ARHGAP28: variants seen among roughly 807,000 people sequenced by gnomAD.
The protein encoded by ARHGAP28 is rho GTPase-activating protein 28.
Under a neutral mutation model 90.7 loss-of-function variants are expected in ARHGAP28, and 56 were observed. That is an observed-to-expected ratio of 0.62 (90% CI 0.50 to 0.77). The LOEUF (loss-of-function observed/expected upper bound fraction) is 0.77. Among genes scored for constraint, ARHGAP28 ranks in the 30% least tolerant of loss-of-function variants. ARHGAP28 has a pLI of 0.00. For missense variants in ARHGAP28, 869 were observed against 900.9 expected (o/e 0.96, Z 0.45); for synonymous variants, 308 against 323.3 (o/e 0.95, Z 0.51).
chr18:6,808,766 T>TA (rs760449389), intron 1 of ARHGAP28, among the ~76,000 whole-genome samples: 1 of 152,202 alleles, frequency 6.6e-6, no homozygotes, highest in Non-Finnish European at 1.5e-5. Context: ...GATATATATA[T>TA]TTTTAGTATA....
intron 16 of ARHGAP28, among the ~76,000 whole-genome samples, chr18:6,899,709 A>G (rs2057328234): frequency 6.6e-6 from 1 of 152,184 alleles, no homozygotes; most frequent in Admixed American, 6.5e-5. Context: ...CAGCAATGAA[A>G]CACAGCAGCA....
At chr18:6,909,454 A>G (rs2057384562) in intron 17 of ARHGAP28, among the ~76,000 whole-genome samples, 1 of 151,460 alleles carries the variant, frequency 6.6e-6, no homozygotes, top group Admixed American at 6.6e-5. Context: ...CACCACGCCC[A>G]GACAATTTTT....
At chr18:6,911,662 C>T (rs1397724121) in intron 17 of ARHGAP28, among the ~76,000 whole-genome samples, 1 of 151,976 alleles carries the variant, frequency 6.6e-6, no homozygotes, top group Non-Finnish European at 1.5e-5. Context: ...TCTCAAACTC[C>T]TAACCTCAAG....
At chr18:6,894,263 C>A (rs1309239743) in intron 14 of ARHGAP28, among the ~76,000 whole-genome samples, 5 of 152,150 alleles carry the variant, frequency 3.3e-5, no homozygotes, top group Non-Finnish European at 7.3e-5. Flanking sequence ...GAATAAAAAT[C>A]AGCCACTTCT....
chr18:6,897,149 G>A (rs1311810076), intron 16 of ARHGAP28: 1 of 152,368 alleles, frequency 6.6e-6, no homozygotes, highest in Non-Finnish European at 1.5e-5. Flanking sequence ...CCTGACCTCA[G>A]GTGATCCGCC....
In ARHGAP28 at chr18:6,874,568, T is replaced by C. The variant is rs1042817825; in HGVS notation, c.1212+793T>C. On this transcript the variant is annotated intron_variant, in intron 9 of 17. Transcript: ENST00000383472. The stretch of plus-strand genomic sequence containing the variant: ...AACACAAATTTTGTGGAATTTTAAA[T>C]TGAGTTTTTAAATGATATTTTAAAA... 11 of 152,332 alleles carry C rather than the reference T, an allele frequency of 7.2e-5. 1 individual carries two copies. The highest frequency in any genetic ancestry group is 2.0e-4 in the Admixed American group (3 of 15,306). 9.4% of individuals were successfully genotyped at this position (152,332 alleles called of 1,614,324 possible).
chr18:6,737,194 T>G (rs557447581), intron 1 of ARHGAP28, among the ~76,000 whole-genome samples: 2 of 152,362 alleles, frequency 1.3e-5, no homozygotes, highest in Admixed American at 1.3e-4. Flanking sequence ...ACACTTTGCT[T>G]TGTTTTTAAG....
In ARHGAP28 at chr18:6,730,236, T is replaced by TATAC. The variant is rs767639864; in HGVS notation, c.122+294_122+295insTACA. Reference sequence around the variant, plus strand: ...TAAGTCATGTGTATATATATATATATACCTCATTTCGGCCAAAGTTGCCTA... The same window carrying TATAC: ...TAAGTCATGTGTATATATATATATATATACACCTCATTTCGGCCAAAGTTGCCTA... On this transcript the variant is annotated intron_variant, in intron 1 of 17. Transcript: ENST00000383472. 1.1e-3 allele frequency: 228 copies of TATAC among 198,698 alleles called. 2 individuals carry two copies. The highest frequency in any genetic ancestry group is 1.7e-3 in the Non-Finnish European group (177 of 101,468). The allele number at this position is 198,698 out of a possible 1,614,324, so 12.3% of individuals were successfully genotyped here.
chr18:6,904,822 T>A (rs537846497), intron 16 of ARHGAP28, among the ~76,000 whole-genome samples: 1 of 152,224 alleles, frequency 6.6e-6, no homozygotes. Flanking sequence ...ATTCAAAAAC[T>A]TAGAATGGAC....
chr18:6,805,766 T>C (rs1383051902), intron 1 of ARHGAP28, among the ~76,000 whole-genome samples: 1 of 152,110 alleles, frequency 6.6e-6, no homozygotes, highest in Non-Finnish European at 1.5e-5. Flanking sequence ...ATTACTGGCA[T>C]GAGCCACCAT....
rs1567966619 is a variant in ARHGAP28 at position 6,841,184 on chromosome 18, TCTCTCTCTCTCTCTCTCTC to T, written c.543+3776_543+3794del. Among the ~76,000 whole-genome samples the T allele has an allele frequency of 1.8e-3, 97 of 54,366 alleles. 2 individuals carry two copies. The highest frequency in any genetic ancestry group is 9.3e-3 in the African/African-American group (90 of 9,666). The allele number at this position is 54,366 out of a possible 152,430, so 35.7% of individuals were successfully genotyped here. On this transcript the variant is annotated intron_variant, in intron 3 of 17. Coordinates refer to ENST00000383472, the MANE Select transcript of ARHGAP28 (RefSeq NM_001366230.1). The stretch of plus-strand genomic sequence containing the variant: ...CTCTCTCTCCTCTCTCTCTCTCCTC[TCTCTCTCTCTCTCTCTCTC>T]CTCTCCTCTCTCTCTCTCTCCCCCC...
chr18:6,796,738 A>G (rs924822853), intron 1 of ARHGAP28, among the ~76,000 whole-genome samples: 32 of 152,238 alleles, frequency 2.1e-4, no homozygotes, highest in Admixed American at 3.3e-4. Context: ...GCAAATTCCC[A>G]TAAAACCTTT....
chr18:6,870,957 T>C (rs567601116), intron 7 of ARHGAP28, among the ~76,000 whole-genome samples: 9 of 151,832 alleles, frequency 5.9e-5, no homozygotes, highest in African/African-American at 2.2e-4. Context: ...CCTGCCAACT[T>C]GCCCGGCTAA....
chr18:6,888,913 C>T (rs561053817), intron 12 of ARHGAP28, among the ~76,000 whole-genome samples: 1 of 152,202 alleles, frequency 6.6e-6, no homozygotes, highest in African/African-American at 2.4e-5. Flanking sequence ...GAATTGGTTC[C>T]CTTCGTTCAG....
intron 2 of ARHGAP28, among the ~76,000 whole-genome samples, chr18:6,835,497 T>C: frequency 6.6e-6 from 1 of 152,200 alleles, no homozygotes; most frequent in Admixed American, 6.5e-5. Context: ...ACTGGGCCTG[T>C]AATACACATC....
rs565569758 is a variant in ARHGAP28, at chr18:6,800,544, T to A, written c.123-24218T>A. ...CTATGCAGCCATAAAAAAGGATGAG[T>A]TCATGTCCTTTGCAGGGACATGGAT... On this transcript the variant is annotated intron_variant, in intron 1 of 17. Transcript: ENST00000383472. Among the ~76,000 whole-genome samples the A allele has an allele frequency of 2.6e-5, 4 of 152,228 alleles. No homozygotes were observed. The South Asian group carries it at 6.2e-4, about 24-fold the overall frequency.
intron 1 of ARHGAP28, among the ~76,000 whole-genome samples, chr18:6,776,124 A>G (rs916417936): frequency 5.9e-5 from 9 of 152,170 alleles, no homozygotes; most frequent in African/African-American, 1.7e-4. Flanking sequence ...ATTTTAGGAA[A>G]AAAATAACAA....
chr18:6,821,257 T>A (rs561106875), intron 1 of ARHGAP28, among the ~76,000 whole-genome samples: 1 of 150,502 alleles, frequency 6.6e-6, no homozygotes, highest in South Asian at 2.1e-4. Context: ...AAAAATAGAA[T>A]AATAAAATCT....
At chr18:6,862,951 T>C (rs998689715) in intron 5 of ARHGAP28, among the ~76,000 whole-genome samples, 3 of 152,182 alleles carry the variant, frequency 2.0e-5, no homozygotes, top group Non-Finnish European at 4.4e-5. Context: ...TTTGCAGATA[T>C]ATAAGGAAAG....
Sources: allele counts gnomAD v4.1 joint callset (sites outside exome capture counted in the v4.1 genomes callset), GRCh38; gene constraint gnomAD v4.1.1; transcripts MANE v1.5; gene names NCBI Gene and HGNC (gene_info 2026-07-23, HGNC 2026-07-21).